Variants in MAML2 observed in about 807,000 individuals in gnomAD.
MAML2 encodes the protein mastermind-like protein 2.
Under a neutral mutation model 96.1 loss-of-function variants are expected in MAML2, and 22 were observed. The ratio of observed to expected loss-of-function variants is 0.23; its 90% confidence interval spans 0.16 to 0.33. MAML2 has a LOEUF of 0.33. Among genes scored for constraint, MAML2 ranks in the 10% least tolerant of loss-of-function variants. MAML2 has a pLI of 1.00. For missense variants in MAML2, 1,367 were observed against 1,392.4 expected (o/e 0.98, Z 0.29); for synonymous variants, 561 against 521.3 (o/e 1.08, Z -1.04).
At chr11:96,178,429 T>C (rs1272386980) in intron 1 of MAML2, among the ~76,000 whole-genome samples, 2 of 152,082 alleles carry the variant, frequency 1.3e-5, no homozygotes, top group African/African-American at 2.4e-5. Flanking sequence ...GGAACAAATA[T>C]ATTTGATCTG....
At chr11:96,227,583 T>C (rs2135951868) in intron 1 of MAML2, among the ~76,000 whole-genome samples, 1 of 152,340 alleles carries the variant, frequency 6.6e-6, no homozygotes, top group Admixed American at 6.5e-5. Flanking sequence ...ATAATCTCAC[T>C]ATCCAATTAT....
intron 2 of MAML2, among the ~76,000 whole-genome samples, chr11:96,045,246 A>G (rs1014203287): frequency 2.6e-5 from 4 of 152,090 alleles, no homozygotes; most frequent in Admixed American, 2.0e-4. Context: ...TTCTATATTA[A>G]CTGTTGGAGC....
chr11:96,166,177 TCACACACACACA>T (rs1555018442), intron 1 of MAML2, among the ~76,000 whole-genome samples: 1 of 110,330 alleles, frequency 9.1e-6, no homozygotes, highest in Non-Finnish European at 1.9e-5. Flanking sequence ...TCTCTCTCTC[TCACACACACACA>T]CACACACACA....
intron 1 of MAML2, among the ~76,000 whole-genome samples, chr11:96,100,746 T>C (rs1302502194): frequency 1.3e-5 from 2 of 148,170 alleles, no homozygotes; most frequent in African/African-American, 5.1e-5. Flanking sequence ...TTTTTTTTTT[T>C]TCTTTTTTTT....
chr11:96,015,531 G>A (rs913455026), intron 2 of MAML2, among the ~76,000 whole-genome samples: 5 of 126,094 alleles, frequency 4.0e-5, no homozygotes, highest in African/African-American at 1.5e-4. Flanking sequence ...TTCAATAGAT[G>A]TGGAAGAGCT....
intron 2 of MAML2, among the ~76,000 whole-genome samples, chr11:96,012,616 A>G (rs771661592): frequency 1.3e-5 from 2 of 152,184 alleles, no homozygotes; most frequent in Non-Finnish European, 2.9e-5. Flanking sequence ...TAAGCCGTTA[A>G]CTCCACATCT....
intron 2 of MAML2, among the ~76,000 whole-genome samples, chr11:96,005,004 C>T (rs1306267614): frequency 6.6e-6 from 1 of 152,134 alleles, no homozygotes; most frequent in East Asian, 1.9e-4. Context: ...AGTTCAGTCC[C>T]TTTTTGCTCT....
chr11:96,037,702 T>C (rs1325699855), intron 2 of MAML2, among the ~76,000 whole-genome samples: 1 of 152,148 alleles, frequency 6.6e-6, no homozygotes, highest in South Asian at 2.1e-4. Flanking sequence ...GGATCTTTTC[T>C]CCCAGAGGGA....
chr11:96,298,436 C>A, intron 1 of MAML2, among the ~76,000 whole-genome samples: 1 of 152,242 alleles, frequency 6.6e-6, no homozygotes, highest in Non-Finnish European at 1.5e-5. Context: ...AGAAGAAGAA[C>A]ATCCTTTCCT....
chr11:96,013,185 T>C (rs1225774328), intron 2 of MAML2, among the ~76,000 whole-genome samples: 1 of 152,180 alleles, frequency 6.6e-6, no homozygotes, highest in East Asian at 1.9e-4. Flanking sequence ...TCAAGGGAAG[T>C]AGGTTATGTA....
In MAML2 at chr11:96,342,247, G is replaced by A; in HGVS notation, c.-352C>T. ...GCCACTAGGTACTTTGTAAACACAC[G>A]ATCTGGGGGTTAGATCAAGAATTCA... On this transcript the variant is annotated 5_prime_UTR_variant, in exon 1 of 5. Coordinates refer to ENST00000524717, the MANE Select transcript of MAML2 (RefSeq NM_032427.4). 4.5e-6 allele frequency: 2 copies of A among 443,074 alleles called. No individual in the cohort carries two copies. Among genetic ancestry groups the A allele is most frequent in the Non-Finnish European group, 8.0e-6 (2 of 251,266 alleles). The allele number at this position is 443,074 out of a possible 1,614,324, so 27.4% of individuals were successfully genotyped here. A position where few individuals can be genotyped will look rare whatever the true frequency, so the allele number is the denominator to read the frequency against.
chr11:96,251,882 C>A (rs1359459522), intron 1 of MAML2, among the ~76,000 whole-genome samples: 2 of 151,950 alleles, frequency 1.3e-5, no homozygotes, highest in Non-Finnish European at 2.9e-5. Flanking sequence ...CAGGCGCCGG[C>A]CACCACGCAC....
At chr11:96,114,892 G>A (rs962563482) in intron 1 of MAML2, among the ~76,000 whole-genome samples, 2 of 152,210 alleles carry the variant, frequency 1.3e-5, no homozygotes, top group Admixed American at 6.5e-5. Flanking sequence ...TAGGGAGGGT[G>A]GAGAGGGAAG....
intron 2 of MAML2, among the ~76,000 whole-genome samples, chr11:96,034,067 A>G (rs1858660670): frequency 1.3e-5 from 2 of 152,210 alleles, no homozygotes; most frequent in African/African-American, 4.8e-5. Context: ...CTTTGGGGAA[A>G]GAACAACGTT....
At chr11:96,148,707 CAT>C (rs1555016113) in intron 1 of MAML2, among the ~76,000 whole-genome samples, 3 of 138,696 alleles carry the variant, frequency 2.2e-5, no homozygotes, top group African/African-American at 7.9e-5. Flanking sequence ...CACACACACA[CAT>C]AAGCACGCAC....
chr11:96,045,621 A>C (rs955101165), intron 2 of MAML2, among the ~76,000 whole-genome samples: 1 of 152,342 alleles, frequency 6.6e-6, no homozygotes, highest in African/African-American at 2.4e-5. Flanking sequence ...GTTTGGGCTG[A>C]ACCAAAATTC....
At chr11:96,010,843 G>A (rs1858255416) in intron 2 of MAML2, among the ~76,000 whole-genome samples, 1 of 152,064 alleles carries the variant, frequency 6.6e-6, no homozygotes, top group Admixed American at 6.5e-5. Flanking sequence ...TTTCATATAA[G>A]TATATATTTT....
chr11:96,263,799 A>G (rs1862784840), intron 1 of MAML2, among the ~76,000 whole-genome samples: 1 of 152,234 alleles, frequency 6.6e-6, no homozygotes, highest in Non-Finnish European at 1.5e-5. Flanking sequence ...TCATTAAAAG[A>G]GCAACCAAAT....
At chr11:96,277,257 T>C (rs1167256052) in intron 1 of MAML2, among the ~76,000 whole-genome samples, 1 of 152,078 alleles carries the variant, frequency 6.6e-6, no homozygotes, top group African/African-American at 2.4e-5. Context: ...ATACATAATA[T>C]TTTACATCTT....
Sources: allele counts gnomAD v4.1 joint callset (sites outside exome capture counted in the v4.1 genomes callset), GRCh38; gene constraint gnomAD v4.1.1; transcripts MANE v1.5; gene names NCBI Gene and HGNC (gene_info 2026-07-23, HGNC 2026-07-21).